Variants in SPATS2 observed in about 807,000 individuals in gnomAD.
SPATS2 encodes the protein spermatogenesis associated serine rich 2.
Under a neutral mutation model 63.7 loss-of-function variants are expected in SPATS2, and 38 were observed. The observed-to-expected ratio is 0.60, with a 90% confidence interval of 0.46 to 0.78. The LOEUF (loss-of-function observed/expected upper bound fraction) is 0.78. SPATS2 is among the 30% of genes least tolerant of loss of function. The pLI is 0.00. For missense variants in SPATS2, 588 were observed against 666.2 expected, an observed-to-expected ratio of 0.88 and a Z score of 1.29; for synonymous variants, 207 against 232.9, an observed-to-expected ratio of 0.89 and a Z score of 1.01.
rs1442781527 is a variant in SPATS2 at position 49,436,254 on chromosome 12, G to A, written c.-243-24516G>A. 3.0e-3 allele frequency among the ~76,000 whole-genome samples: 445 copies of A among 146,234 alleles called. 2 individuals are homozygous for A. Among genetic ancestry groups the A allele is most frequent in the African/African-American group, 0.011 (427 of 38,960 alleles). On this transcript the variant is annotated intron_variant, in intron 2 of 13. Transcript: ENST00000552918. ...GCGCCCCTCACCTCCCGGACGGGGC[G>A]GCTGGCCGGGCGGGGGGCTGACCTC...
intron 5 of SPATS2, 26 bp downstream of exon 5, chr12:49,489,599 A>G: frequency 6.3e-7 from 1 of 1,575,988 alleles, no homozygotes. Context: ...TTTTAAAAAT[A>G]AATTTATATT....
At chr12:49,471,591 CAA>C (rs1946034864) in intron 3 of SPATS2, among the ~76,000 whole-genome samples, 1 of 152,160 alleles carries the variant, frequency 6.6e-6, no homozygotes, top group Non-Finnish European at 1.5e-5. Context: ...CTTGGCCTCC[CAA>C]AGTGCTTGGA....
At chr12:49,473,111 G>A (rs1401873145) in intron 3 of SPATS2, among the ~76,000 whole-genome samples, 2 of 150,744 alleles carry the variant, frequency 1.3e-5, no homozygotes, top group Non-Finnish European at 3.0e-5. Context: ...AGCAAAGAGT[G>A]TATGGGGAAC....
intron 2 of SPATS2, among the ~76,000 whole-genome samples, chr12:49,379,651 C>G (rs1400609404): frequency 1.6e-5 from 2 of 125,338 alleles, no homozygotes; most frequent in South Asian, 2.9e-4. Flanking sequence ...TGGACGGAGT[C>G]TTGCTCTGTT....
chr12:49,411,998 A>G (rs1565709089), intron 2 of SPATS2, among the ~76,000 whole-genome samples: 1 of 152,188 alleles, frequency 6.6e-6, no homozygotes. Context: ...ATCGAATTGT[A>G]TATCTTCAAA....
intron 3 of SPATS2, among the ~76,000 whole-genome samples, chr12:49,471,134 A>C (rs576695649): frequency 6.6e-6 from 1 of 152,314 alleles, no homozygotes; most frequent in East Asian, 1.9e-4. Flanking sequence ...GCAAGATTGC[A>C]GAAGACTTGT....
chr12:49,412,384 A>G (rs1004525052), intron 2 of SPATS2, among the ~76,000 whole-genome samples: 12 of 151,946 alleles, frequency 7.9e-5, no homozygotes, highest in African/African-American at 2.9e-4. Context: ...TGGTAGAGGC[A>G]GGGTTTCACC....
intron 2 of SPATS2, among the ~76,000 whole-genome samples, chr12:49,385,880 T>C (rs540977868): frequency 4.0e-5 from 6 of 150,942 alleles, no homozygotes; most frequent in Non-Finnish European, 7.4e-5. Context: ...TTTTGTTTTT[T>C]TTTTTTGAGA....
chr12:49,498,226 TGAG>T (rs940519825), intron 8 of SPATS2, among the ~76,000 whole-genome samples: 3 of 148,784 alleles, frequency 2.0e-5, no homozygotes, highest in Non-Finnish European at 3.0e-5. Context: ...CAAGTTGAGA[TGAG>T]GAAGAATTTA....
chr12:49,516,462 C>T (rs544118696), intron 10 of SPATS2, among the ~76,000 whole-genome samples: 2 of 151,674 alleles, frequency 1.3e-5, no homozygotes, highest in African/African-American at 4.8e-5. Flanking sequence ...AATCCCAGCA[C>T]TCTGGGAGGC....
intron 2 of SPATS2, among the ~76,000 whole-genome samples, chr12:49,387,745 A>G (rs1368535952): frequency 2.0e-5 from 3 of 150,918 alleles, no homozygotes; most frequent in African/African-American, 7.3e-5. Context: ...ACCTGAAGAG[A>G]TTAGGCCTGG....
rs1946048535 is a variant in SPATS2, at chr12:49,472,290, A to G, written c.25+11253A>G. Among the ~76,000 whole-genome samples the G allele has an allele frequency of 5.3e-5, 8 of 152,272 alleles. No homozygotes were observed. The South Asian group carries it at 1.7e-3, about 32-fold the overall frequency. On this transcript the variant is annotated intron_variant, in intron 3 of 13. Coordinates refer to ENST00000552918, the MANE Select transcript of SPATS2 (RefSeq NM_023071.4). ...TTTGTCTGTCTTTCCACCCACCTCCAATGGGTTTATTTTGAAGCAACTTTC... is the reference window on the plus strand; with the variant it reads ...TTTGTCTGTCTTTCCACCCACCTCCGATGGGTTTATTTTGAAGCAACTTTC...
chr12:49,489,184 C>T (rs982723074), intron 4 of SPATS2, among the ~76,000 whole-genome samples: 4 of 152,168 alleles, frequency 2.6e-5, no homozygotes, highest in Admixed American at 1.3e-4. Context: ...ATACCTGATA[C>T]CGAAATTAAA....
rs1947040053 is a variant in SPATS2 at position 49,526,587 on chromosome 12, A to G, written c.*332A>G. The G allele has an allele frequency of 3.6e-6, 1 of 275,748 alleles. No homozygotes were observed. Among genetic ancestry groups the G allele is most frequent in the Non-Finnish European group, 6.8e-6 (1 of 146,700 alleles). 17.1% of individuals were successfully genotyped at this position (275,748 alleles called of 1,614,324 possible). ...TCTCAGGAGGAGGTGAATCAGAGCT[A>G]GTCTGTCACCTTTCCAATCTAAGCC... On this transcript the variant is annotated 3_prime_UTR_variant, in exon 14 of 14. Transcript: ENST00000552918.
chr12:49,516,200 T>A (rs183783036), intron 10 of SPATS2, among the ~76,000 whole-genome samples: 19,481 of 61,874 alleles, frequency 0.31, 5,271 homozygotes, highest in African/African-American at 0.68. Flanking sequence ...TATATATATA[T>A]ATATATATAA....
chr12:49,368,525 T>C (rs963306306), intron 1 of SPATS2, among the ~76,000 whole-genome samples: 13 of 152,238 alleles, frequency 8.5e-5, no homozygotes, highest in African/African-American at 3.1e-4. Flanking sequence ...ACCTGTACTT[T>C]GTTAGAATTG....
chr12:49,506,748 G>A (rs866357523), intron 9 of SPATS2, among the ~76,000 whole-genome samples: 2 of 151,846 alleles, frequency 1.3e-5, no homozygotes, highest in Non-Finnish European at 2.9e-5. Flanking sequence ...CAAGAGGATC[G>A]CTTGAACCCA....
intron 2 of SPATS2, among the ~76,000 whole-genome samples, chr12:49,443,590 T>G (rs1945461725): frequency 6.6e-6 from 1 of 152,138 alleles, no homozygotes; most frequent in Non-Finnish European, 1.5e-5. Flanking sequence ...ATGACCTTCC[T>G]CTTATGTTTT....
intron 2 of SPATS2, among the ~76,000 whole-genome samples, chr12:49,382,260 T>G (rs192684240): frequency 6.6e-6 from 1 of 152,350 alleles, no homozygotes; most frequent in Non-Finnish European, 1.5e-5. Context: ...ATAGCACTTA[T>G]CCTAGTGTAG....
Sources: allele counts gnomAD v4.1 joint callset (sites outside exome capture counted in the v4.1 genomes callset), GRCh38; gene constraint gnomAD v4.1.1; transcripts MANE v1.5; gene names NCBI Gene and HGNC (gene_info 2026-07-23, HGNC 2026-07-21).